The following LOC400499 variants were observed in gnomAD, a reference collection of about 807,000 sequenced individuals.
the LOC400499 span, chr16:11,413,065 G>A: frequency 2.0e-5 from 8 of 396,448 alleles, no homozygotes; most frequent in East Asian, 2.9e-4. Flanking sequence ...CTGTCCCTAA[G>A]CCCAGCATGG....
the LOC400499 span, among the ~76,000 whole-genome samples, chr16:11,427,390 A>C: frequency 0.2 from 28,989 of 147,600 alleles, 5,277 homozygotes; most frequent in African/African-American, 0.47. Flanking sequence ...TGCTCAACAT[A>C]ATTAATCAAC....
chr16:11,399,929 G>A, the LOC400499 span: 4 of 397,894 alleles, frequency 1.0e-5, no homozygotes, highest in East Asian at 1.4e-4. Flanking sequence ...AGGGAGGATG[G>A]AGAAGCTGGT....
the LOC400499 span, chr16:11,393,441 G>C: frequency 2.4e-6 from 3 of 1,232,330 alleles, no homozygotes; most frequent in Non-Finnish European, 3.0e-6. Context: ...CCGGAACACA[G>C]ACAGCCTCAC....
chr16:11,448,354 A>T, the LOC400499 span, among the ~76,000 whole-genome samples: 1 of 152,202 alleles, frequency 6.6e-6, no homozygotes, highest in Non-Finnish European at 1.5e-5. Context: ...GATCTTTGCT[A>T]AAGTGACCAG....
chr16:11,448,886 T>C, the LOC400499 span: 4 of 1,418,046 alleles, frequency 2.8e-6, no homozygotes, highest in Non-Finnish European at 2.8e-6. Flanking sequence ...GATTCGGTGG[T>C]CTCTTGGCTG....
At chr16:11,441,736 G>A in the LOC400499 span, among the ~76,000 whole-genome samples, 2 of 152,150 alleles carry the variant, frequency 1.3e-5, no homozygotes, top group African/African-American at 4.8e-5. Flanking sequence ...TGGCTTTGAA[G>A]GTGGAAGAAG....
the LOC400499 span, among the ~76,000 whole-genome samples, chr16:11,450,975 ATGT>A: frequency 6.6e-6 from 1 of 152,212 alleles, no homozygotes; most frequent in East Asian, 1.9e-4. Flanking sequence ...GACGTTGGTA[ATGT>A]TGTGACTCAT....
the LOC400499 span, chr16:11,440,583 T>C: frequency 1.1e-4 from 45 of 397,378 alleles, no homozygotes; most frequent in South Asian, 5.3e-3. Context: ...ACACACACAC[T>C]GCCAAAATAA....
At chr16:11,400,638 G>T in the LOC400499 span, among the ~76,000 whole-genome samples, 4 of 151,930 alleles carry the variant, frequency 2.6e-5, no homozygotes, top group African/African-American at 9.7e-5. Context: ...ACAGGATTTC[G>T]CCATGTTGGC....
the LOC400499 span, among the ~76,000 whole-genome samples, chr16:11,488,405 TTTG>T: frequency 2.1e-4 from 32 of 152,174 alleles, no homozygotes; most frequent in African/African-American, 7.2e-4. Flanking sequence ...ATGTAAGTTT[TTTG>T]TTGTTGTTGT....
the LOC400499 span, among the ~76,000 whole-genome samples, chr16:11,374,343 G>A: frequency 1.3e-5 from 2 of 152,176 alleles, no homozygotes; most frequent in Non-Finnish European, 2.9e-5. Context: ...AATTTTAAAT[G>A]TAGTTAAACA....
At chr16:11,478,418 A>G in the LOC400499 span, 2 of 398,008 alleles carry the variant, frequency 5.0e-6, no homozygotes, top group Non-Finnish European at 4.4e-6. Flanking sequence ...GAGGAGGTAA[A>G]CGGAAGAGCT....
chr16:11,405,545 G>A, the LOC400499 span, among the ~76,000 whole-genome samples: 2 of 152,186 alleles, frequency 1.3e-5, no homozygotes, highest in East Asian at 3.9e-4. Flanking sequence ...CCTGTGCAAA[G>A]GTTCGGAGAG....
At chr16:11,385,276 A>G in the LOC400499 span, 1 of 1,232,140 alleles carries the variant, frequency 8.1e-7, no homozygotes, top group Non-Finnish European at 1.0e-6. Flanking sequence ...GTGAGCCCCG[A>G]GCCTGTCCGA....
chr16:11,379,682 G>A, the LOC400499 span, among the ~76,000 whole-genome samples: 1 of 152,256 alleles, frequency 6.6e-6, no homozygotes, highest in Non-Finnish European at 1.5e-5. Context: ...GATGGGGAAG[G>A]ACTTCCTGGT....
At chr16:11,402,876 C>A in the LOC400499 span, among the ~76,000 whole-genome samples, 2 of 152,102 alleles carry the variant, frequency 1.3e-5, no homozygotes, top group Non-Finnish European at 2.9e-5. Flanking sequence ...CAACCTGCAT[C>A]CCTCTCGGGG....
chr16:11,520,710 G>C, the LOC400499 span, among the ~76,000 whole-genome samples: 1 of 149,458 alleles, frequency 6.7e-6, no homozygotes, highest in South Asian at 2.1e-4. Context: ...CTTGGGAGAA[G>C]TGACCAAGAG....
chr16:11,515,900 AGCC>A, the LOC400499 span: 7 of 120,984 alleles, frequency 5.8e-5, no homozygotes, highest in Non-Finnish European at 9.8e-5. Context: ...AGCCTAGCCC[AGCC>A]CAGCCCAGCC....
the LOC400499 span, among the ~76,000 whole-genome samples, chr16:11,415,775 C>A: frequency 6.6e-6 from 1 of 152,040 alleles, no homozygotes; most frequent in Non-Finnish European, 1.5e-5. Context: ...CATCCTGGGT[C>A]GGGAACTAGA....
Sources: allele counts gnomAD v4.1 joint callset (sites outside exome capture counted in the v4.1 genomes callset), GRCh38; gene constraint gnomAD v4.1.1; transcripts MANE v1.5.